The following RRN3 variants were observed in gnomAD, a reference collection of about 807,000 sequenced individuals.
RRN3 encodes the protein RNA polymerase I-specific transcription initiation factor RRN3.
In RRN3, 38 loss-of-function variants were observed where a neutral mutation model predicts 82.3. That is an observed-to-expected ratio of 0.46 (90% CI 0.36 to 0.61). The LOEUF (loss-of-function observed/expected upper bound fraction) is 0.61. Among genes scored for constraint, RRN3 ranks in the 20% least tolerant of loss-of-function variants. The pLI is 0.00. For synonymous variants in RRN3, 284 were observed against 284.3 expected, an observed-to-expected ratio of 1.00 and a Z score of 0.01; for missense variants, 726 against 793.1, an observed-to-expected ratio of 0.92 and a Z score of 1.02.
chr16:15,072,853 TA>T, intron 12 of RRN3, 96 bp downstream of exon 12: 1 of 1,231,738 alleles, frequency 8.1e-7, no homozygotes, highest in Non-Finnish European at 1.2e-6. Context: ...AGAAAAGAAT[TA>T]TTTACTTCAT....
intron 9 of RRN3, among the ~76,000 whole-genome samples, chr16:15,078,660 T>C (rs1171012827): frequency 6.6e-6 from 1 of 152,072 alleles, no homozygotes; most frequent in Non-Finnish European, 1.5e-5. Flanking sequence ...TCTCCTCCCC[T>C]GTCCTAAACT....
In RRN3 at chr16:15,084,686, G is replaced by A. The variant is rs560321963; in HGVS notation, c.552C>T (p.Asp184=). ...DEDDNLPANF[D]TCHRALQIIA... ...TTATTTGCAAGGCTCTGTGACATGTGTCAAAATTTGCAGGAAGATCTGAAA... is the reference window on the plus strand; with the variant it reads ...TTATTTGCAAGGCTCTGTGACATGTATCAAAATTTGCAGGAAGATCTGAAA... The change falls in exon 7 of 18, where the codon GAC becomes GAT. Residue 184 remains aspartate (D), a synonymous_variant. Coordinates refer to ENST00000198767, the MANE Select transcript of RRN3 (RefSeq NM_018427.5). 6.8e-5 allele frequency: 110 copies of A among 1,612,962 alleles called. No individual in the cohort carries two copies. The South Asian group carries it at 1.2e-3, about 17-fold the overall frequency.
At position 15,061,555 on chromosome 16, in the gene RRN3, G is replaced by T; in HGVS notation, c.*189C>A. The T allele has an allele frequency of 2.1e-6, 1 of 484,000 alleles. No individual in the cohort carries two copies. The allele number at this position is 484,000 out of a possible 1,614,324, so 30.0% of individuals were successfully genotyped here. A position where few individuals can be genotyped will look rare whatever the true frequency, so the allele number is the denominator to read the frequency against. On this transcript the variant is annotated 3_prime_UTR_variant, in exon 18 of 18. Coordinates refer to ENST00000198767, the MANE Select transcript of RRN3 (RefSeq NM_018427.5). ...TGATAGTCTTCATTTTGTCTGTAAG[G>T]GGAACAACAACAACAAAAAAACCCA... is the stretch of plus-strand genomic sequence containing the variant.
intron 14 of RRN3, among the ~76,000 whole-genome samples, 155 bp from the exon 15 acceptor site, chr16:15,068,432 C>G (rs1169793964): frequency 1.3e-5 from 2 of 152,150 alleles, no homozygotes; most frequent in East Asian, 3.8e-4. Context: ...GATAGTCACA[C>G]AGTATATGGC....
At position 15,086,157 on chromosome 16, in the gene RRN3, G is replaced by C; in HGVS notation, c.444C>G (p.Leu148=). ...GCACAAAATGGGAAGCAATCATGCT[G>C]AGACACGGTCTGAGGAAAACAGTCT... ...SAQTVFLRPC[L]SMIASHFVPP... is the part of the protein sequence containing the mutation. Residue 148 remains leucine (L), a synonymous_variant, in exon 5 of 18, where the codon CTC becomes CTG. Transcript: ENST00000198767. 6.2e-7 allele frequency: 1 copy of C among 1,606,534 alleles called. No individual in the cohort carries two copies. Among genetic ancestry groups the C allele is most frequent in the Non-Finnish European group, 8.5e-7 (1 of 1,176,848 alleles).
At chr16:15,064,479 G>A (rs375434237) in intron 16 of RRN3, among the ~76,000 whole-genome samples, 44 of 152,176 alleles carry the variant, frequency 2.9e-4, no homozygotes, top group East Asian at 5.8e-4. Context: ...CCAGCCAATC[G>A]TTTGTTTTTC....
Position 15,083,505 on chromosome 16 carries a change from T to C in RRN3, c.666+8A>G, listed in dbSNP as rs775875638. On this transcript the variant is annotated splice_region_variant and intron_variant, in intron 8 of 17. Transcript: ENST00000198767. ...TTCCATGATGTTCTCAATGAAAAGA[T>C]TTCTTACCAGTGTTCTCTCTGATTT... 4 of 1,609,144 alleles carry C rather than the reference T, an allele frequency of 2.5e-6. No homozygotes were observed. The highest frequency in any genetic ancestry group is 2.7e-5 in the African/African-American group (2 of 74,668).
intron 11 of RRN3, 100 bp from the exon 12 acceptor site, chr16:15,073,180 A>C: frequency 1.5e-6 from 2 of 1,370,092 alleles, no homozygotes; most frequent in Non-Finnish European, 1.0e-6. Context: ...AAACAACATT[A>C]TCCAGCCAAG....
In RRN3 at chr16:15,094,131, G is replaced by C. The variant is rs751820804; in HGVS notation, c.89+14C>G. 2 of 1,585,870 alleles carry C rather than the reference G, an allele frequency of 1.3e-6. No individual in the cohort carries two copies. Among genetic ancestry groups the C allele is most frequent in the Non-Finnish European group, 1.7e-6 (2 of 1,164,652 alleles). On this transcript the variant is annotated intron_variant, in intron 1 of 17. Transcript: ENST00000198767. ...TCGTCCCAGATACGCAGAAGGAAGC[G>C]GCCTGAATCTTACCCAGTCCTCGAC...
intron 3 of RRN3, among the ~76,000 whole-genome samples, chr16:15,090,424 T>C (rs544334792): frequency 6.6e-6 from 1 of 152,304 alleles, no homozygotes; most frequent in South Asian, 2.1e-4. Flanking sequence ...ATTGAATCCT[T>C]GTTAAGTATT....
chr16:15,063,001 G>A (rs888400898), intron 17 of RRN3, among the ~76,000 whole-genome samples, 195 bp downstream of exon 17: 22 of 152,196 alleles, frequency 1.4e-4, no homozygotes, highest in Admixed American at 9.8e-4. Flanking sequence ...GCACCACCAC[G>A]CCCAGCTAAT....
chr16:15,090,565 T>C (rs1252195856), intron 3 of RRN3, among the ~76,000 whole-genome samples: 2 of 152,208 alleles, frequency 1.3e-5, no homozygotes, highest in East Asian at 1.9e-4. Flanking sequence ...CACCTGTGAA[T>C]AGCCAGAGCA....
At chr16:15,079,962 G>C (rs1222404135) in intron 9 of RRN3, 36 bp downstream of exon 9, 13 of 1,549,474 alleles carry the variant, frequency 8.4e-6, no homozygotes, top group Non-Finnish European at 1.1e-5. Flanking sequence ...ATTCAAGTCA[G>C]TAAATGAAAA....
intron 11 of RRN3, 75 bp downstream of exon 11, chr16:15,074,648 T>A: frequency 1.8e-6 from 2 of 1,090,992 alleles, no homozygotes; most frequent in South Asian, 1.6e-5. Context: ...TTACTAGAGA[T>A]AATGGATGGA....
At chr16:15,064,289 C>T (rs1363015060) in intron 16 of RRN3, among the ~76,000 whole-genome samples, 1 of 152,086 alleles carries the variant, frequency 6.6e-6, no homozygotes, top group Non-Finnish European at 1.5e-5. Context: ...GATTCTCCTG[C>T]CTCAGCCTCC....
chr16:15,061,785 C>G lies in RRN3; in HGVS notation c.1915G>C (p.Gly639Arg). ...TGCATGTACAACACGGGTGGGGAGC[C>G]CACACTACTTGAAGGACTTCGGAAA... ...THFRSPSSSV[G>R]SPPVLYMQPS... The change falls in exon 18 of 18, where the codon GGC (glycine) becomes CGC (arginine). Residue 639 changes from glycine to arginine, a missense_variant. Coordinates refer to ENST00000198767, the MANE Select transcript of RRN3 (RefSeq NM_018427.5). The G allele has an allele frequency of 2.5e-6, 4 of 1,614,000 alleles. No homozygotes were observed. Among genetic ancestry groups the G allele is most frequent in the Non-Finnish European group, 3.4e-6 (4 of 1,179,876 alleles).
intron 3 of RRN3, among the ~76,000 whole-genome samples, chr16:15,089,596 C>G (rs542039603): frequency 2.0e-5 from 3 of 150,670 alleles, no homozygotes; most frequent in Non-Finnish European, 4.4e-5. Context: ...GTCAGAAGAT[C>G]GAGACCATCC....
chr16:15,093,686 G>T (rs571014265), intron 1 of RRN3, among the ~76,000 whole-genome samples: 1 of 152,276 alleles, frequency 6.6e-6, no homozygotes, highest in South Asian at 2.1e-4. Flanking sequence ...CGGGGGTTAG[G>T]GATTTTAAAA....
At chr16:15,066,837 G>T (rs1240887441) in intron 15 of RRN3, among the ~76,000 whole-genome samples, 1 of 151,786 alleles carries the variant, frequency 6.6e-6, no homozygotes, top group Non-Finnish European at 1.5e-5. Context: ...TACCTAGGCA[G>T]AGACTTTTAT....
Sources: allele counts gnomAD v4.1 joint callset (sites outside exome capture counted in the v4.1 genomes callset), GRCh38; gene constraint gnomAD v4.1.1; transcripts MANE v1.5; gene names NCBI Gene and HGNC (gene_info 2026-07-23, HGNC 2026-07-21).